Variants in IGSF21 observed in about 807,000 individuals in gnomAD.
The protein encoded by IGSF21 is immunoglobulin superfamily member 21.
Under a neutral mutation model 46.8 loss-of-function variants are expected in IGSF21, and 28 were observed. The ratio of observed to expected loss-of-function variants is 0.60; its 90% CI spans 0.44 to 0.82. The LOEUF (loss-of-function observed/expected upper bound fraction) is 0.82, where lower values mean the gene tolerates loss of function less well. Among genes scored for constraint, IGSF21 ranks in the 40% least tolerant of loss-of-function variants. The pLI, the probability that IGSF21 is intolerant of heterozygous loss-of-function variation, is 0.00. For synonymous variants in IGSF21, 284 were observed against 273.6 expected (o/e 1.04, Z -0.38); for missense variants, 624 against 665.5 (o/e 0.94, Z 0.69).
chr1:18,243,682 ACT>A (rs1168221519), intron 2 of IGSF21, among the ~76,000 whole-genome samples: 2 of 151,960 alleles, frequency 1.3e-5, no homozygotes, highest in African/African-American at 4.8e-5. Context: ...GGCCTCGCCC[ACT>A]CCACTACCTC....
chr1:18,228,226 T>G (rs941981639), intron 2 of IGSF21, among the ~76,000 whole-genome samples: 4 of 152,190 alleles, frequency 2.6e-5, no homozygotes, highest in African/African-American at 9.7e-5. Flanking sequence ...TTCCACCTTC[T>G]TTGTGCTCCT....
Position 18,198,234 on chromosome 1 carries a change from G to A in IGSF21, c.71-29664G>A, listed in dbSNP as rs2124480894. On this transcript the variant is annotated intron_variant, in intron 1 of 9. Transcript: ENST00000251296. ...TCTGAGTGGCCATACCAGAGTAAGA[G>A]CCCACTGGAGATCAGAACTTGGGGG... Among the ~76,000 whole-genome samples the A allele has an allele frequency of 2.6e-5, 4 of 152,300 alleles. No homozygotes were observed. In the South Asian group the frequency reaches 8.3e-4, roughly 32 times the overall value.
chr1:18,220,370 C>T (rs925966580), intron 1 of IGSF21, among the ~76,000 whole-genome samples: 1 of 152,104 alleles, frequency 6.6e-6, no homozygotes, highest in Admixed American at 6.5e-5. Context: ...GTCAGAGAAG[C>T]AGGTTCAGAA....
intron 3 of IGSF21, among the ~76,000 whole-genome samples, chr1:18,301,003 T>A (rs1455616469): frequency 6.6e-6 from 1 of 152,298 alleles, no homozygotes; most frequent in East Asian, 1.9e-4. Flanking sequence ...CGTAAAGATT[T>A]GTCGAATCAA....
chr1:18,253,257 G>C (rs1266520961), intron 2 of IGSF21, among the ~76,000 whole-genome samples: 12 of 152,298 alleles, frequency 7.9e-5, no homozygotes. Flanking sequence ...GAGGGCCAGG[G>C]GGGGCCTCAG....
At chr1:18,306,430 T>G (rs1285197248) in intron 3 of IGSF21, among the ~76,000 whole-genome samples, 1 of 152,174 alleles carries the variant, frequency 6.6e-6, no homozygotes. Flanking sequence ...AACCCATTGA[T>G]CCGATTTGTT....
At chr1:18,193,038 C>A (rs191759250) in intron 1 of IGSF21, among the ~76,000 whole-genome samples, 17 of 151,936 alleles carry the variant, frequency 1.1e-4, no homozygotes, top group African/African-American at 4.1e-4. Context: ...AGCAGAGAGA[C>A]AAGCACACCA....
At chr1:18,218,372 G>A (rs1329845901) in intron 1 of IGSF21, among the ~76,000 whole-genome samples, 1 of 152,192 alleles carries the variant, frequency 6.6e-6, no homozygotes, top group Non-Finnish European at 1.5e-5. Flanking sequence ...TGGGTATTAC[G>A]ATTCGACATG....
chr1:18,201,742 C>T (rs909398397), intron 1 of IGSF21, among the ~76,000 whole-genome samples: 2 of 152,150 alleles, frequency 1.3e-5, no homozygotes, highest in South Asian at 2.1e-4. Flanking sequence ...TTACTGGCAT[C>T]CCTCTCCCAT....
chr1:18,108,265 G>A, intron 1 of IGSF21, 67 bp downstream of exon 1: 1 of 1,299,420 alleles, frequency 7.7e-7, no homozygotes, highest in South Asian at 2.2e-5. Context: ...GCCGGGGGAG[G>A]GCGCTGGCCG....
chr1:18,292,106 G>T lies in IGSF21; in HGVS notation c.305+119G>T. 3 of 1,074,664 alleles carry T rather than the reference G, an allele frequency of 2.8e-6. No homozygotes were observed. The Admixed American group carries it at 6.3e-5, about 23-fold the overall frequency. 66.6% of individuals were successfully genotyped at this position (1,074,664 alleles called of 1,614,324 possible). A position where few individuals can be genotyped will look rare whatever the true frequency, so the allele number is the denominator to read the frequency against. ...CCCTCGGTGCTCTTGGGCTTGGAAG[G>T]CAGAACTGGGGGCTCCCCTTATGGA... On this transcript the variant is annotated intron_variant, in intron 3 of 9. Transcript: ENST00000251296.
chr1:18,230,230 A>G (rs116504336), intron 2 of IGSF21, among the ~76,000 whole-genome samples: 2,333 of 152,238 alleles, frequency 0.015, 59 homozygotes, highest in African/African-American at 0.053. Context: ...CTGGGGCAGG[A>G]GGATCCATGT....
intron 1 of IGSF21, among the ~76,000 whole-genome samples, chr1:18,165,747 T>C (rs1012507139): frequency 6.6e-6 from 1 of 152,232 alleles, no homozygotes; most frequent in Non-Finnish European, 1.5e-5. Flanking sequence ...GCTCCCACAA[T>C]TTAGCCTAAA....
intron 1 of IGSF21, among the ~76,000 whole-genome samples, chr1:18,163,328 A>G (rs1488099146): frequency 1.3e-5 from 2 of 152,034 alleles, no homozygotes; most frequent in Non-Finnish European, 2.9e-5. Flanking sequence ...AGGAGGAGGT[A>G]TGGCAGATGG....
intron 3 of IGSF21, among the ~76,000 whole-genome samples, chr1:18,303,798 G>C: frequency 6.6e-6 from 1 of 152,176 alleles, no homozygotes; most frequent in Non-Finnish European, 1.5e-5. Context: ...AGGCAGTGGG[G>C]CTCTGCCAGG....
At chr1:18,110,875 G>A (rs2086137098) in intron 1 of IGSF21, 1 of 152,486 alleles carries the variant, frequency 6.6e-6, no homozygotes, top group African/African-American at 2.4e-5. Context: ...TCAGCCCTGG[G>A]AAACGTTCCG....
intron 3 of IGSF21, among the ~76,000 whole-genome samples, chr1:18,319,332 C>T (rs2085576150): frequency 6.6e-6 from 1 of 152,250 alleles, no homozygotes; most frequent in Non-Finnish European, 1.5e-5. Context: ...GTGTGTAACA[C>T]ACCTACTTAC....
intron 6 of IGSF21, among the ~76,000 whole-genome samples, chr1:18,374,901 C>T (rs2124639851): frequency 6.6e-6 from 1 of 152,192 alleles, no homozygotes; most frequent in Admixed American, 6.5e-5. Flanking sequence ...GCATAGAGTA[C>T]CAAACAAAAC....
In IGSF21 at chr1:18,194,045, G is replaced by C. The variant is rs199733038; in HGVS notation, c.71-33853G>C. On this transcript the variant is annotated intron_variant, in intron 1 of 9. Coordinates refer to ENST00000251296, the MANE Select transcript of IGSF21 (RefSeq NM_032880.5). ...TTATGAAGAAATGATCATGTGGGCT[G>C]TTTCCTAAGTCCCCAGAGAGTGAAA... 9.2e-5 allele frequency among the ~76,000 whole-genome samples: 14 copies of C among 152,282 alleles called. 1 individual carries two copies. In the East Asian group the frequency reaches 2.7e-3, roughly 29 times the overall value.
Sources: gnomAD v4.1 joint callset for allele counts (sites outside exome capture counted in the v4.1 genomes callset) on GRCh38, gnomAD v4.1.1 for gene constraint, MANE v1.5 for transcripts, NCBI Gene and HGNC (gene_info 2026-07-23, HGNC 2026-07-21) for gene names.